RMC1: variants seen among roughly 807,000 people sequenced by gnomAD.
RMC1 encodes regulator of MON1-CCZ1.
RMC1 carries 44 observed loss-of-function variants against 95.5 expected under a neutral mutation model. That is an observed-to-expected ratio of 0.46 (90% CI 0.36 to 0.59). The LOEUF is 0.59. RMC1 is among the 20% of genes least tolerant of loss of function. The pLI, the probability that RMC1 is intolerant of heterozygous loss-of-function variation, is 0.00. For synonymous variants in RMC1, 320 were observed against 303.6 expected, an observed-to-expected ratio of 1.05 and a Z score of -0.56; for missense variants, 705 against 819.6, an observed-to-expected ratio of 0.86 and a Z score of 1.71.
At chr18:23,531,579 C>CAT (rs2058509540) in intron 19 of RMC1, 46 bp from the exon 20 acceptor site, 1 of 1,595,490 alleles carries the variant, frequency 6.3e-7, no homozygotes, top group East Asian at 2.2e-5. Flanking sequence ...CTTTGTCCCT[C>CAT]ATTTCATGCC....
chr18:23,523,900 G>T lies in RMC1; in HGVS notation c.962-230G>T, dbSNP rs111822004. 3.9e-5 allele frequency among the ~76,000 whole-genome samples: 6 copies of T among 152,254 alleles called. 1 individual carries two copies. Among genetic ancestry groups the T allele is most frequent in the African/African-American group, 1.4e-4 (6 of 41,530 alleles). On this transcript the variant is annotated intron_variant, in intron 10 of 19. Transcript: ENST00000269221. Reference sequence around the variant, plus strand: ...AATAACCCAAACCACAGTGATTGAAGCCTTGACATGCTTTCTTTTTCTTGG... The same window carrying T: ...AATAACCCAAACCACAGTGATTGAATCCTTGACATGCTTTCTTTTTCTTGG...
chr18:23,529,565 GAT>G (rs2058421743), intron 15 of RMC1, 68 bp from the exon 16 acceptor site: 1 of 1,404,154 alleles, frequency 7.1e-7, no homozygotes, highest in Non-Finnish European at 1.0e-6. Flanking sequence ...GTGGGGGTTG[GAT>G]AGAGAGTTAT....
intron 2 of RMC1, chr18:23,506,623 A>G (rs745859655): frequency 3.9e-6 from 1 of 256,804 alleles, no homozygotes; most frequent in Non-Finnish European, 7.6e-6. Context: ...ACAAGTAGAT[A>G]GTTCTTTCCA....
chr18:23,507,156 T>TA lies in RMC1; in HGVS notation c.264+103dup, dbSNP rs1404580118. On this transcript the variant is annotated intron_variant, in intron 3 of 19. Transcript: ENST00000269221. ...GTGTTAAAGGAAACTTTTATTATCT[T>TA]ACTGTTGTGAAAGGTATAGTTATGT... The TA allele has an allele frequency of 3.8e-6, 3 of 787,884 alleles. No homozygotes were observed. The African/African-American group carries it at 5.3e-5, about 14-fold the overall frequency. 48.8% of individuals were successfully genotyped at this position (787,884 alleles called of 1,614,324 possible). A position where few individuals can be genotyped will look rare whatever the true frequency, so the allele number is the denominator to read the frequency against.
intron 13 of RMC1, 110 bp downstream of exon 13, chr18:23,526,875 C>A: frequency 7.1e-7 from 1 of 1,415,646 alleles, no homozygotes; most frequent in Non-Finnish European, 9.5e-7. Context: ...TGACCCACAG[C>A]CTCATTCTTT....
chr18:23,514,541 G>C (rs1479788225), intron 5 of RMC1, among the ~76,000 whole-genome samples: 1 of 151,050 alleles, frequency 6.6e-6, no homozygotes, highest in Non-Finnish European at 1.5e-5. Context: ...TGGGCAACAA[G>C]AGTGAAACTC....
chr18:23,508,038 C>T lies in RMC1; in HGVS notation c.318C>T (p.Cys106=). ...CCCAGCTGGAATACACACAGGAGTGCAAGGTATGACCCCAGGCCCTTTCTC... is the reference window on the plus strand; with the variant it reads ...CCCAGCTGGAATACACACAGGAGTGTAAGGTATGACCCCAGGCCCTTTCTC... ...DNSQLEYTQE[C]KTKNANILGF... Residue 106 remains cysteine, a synonymous_variant, in exon 4 of 20, where the codon TGC becomes TGT. Transcript: ENST00000269221. 6.2e-7 allele frequency: 1 copy of T among 1,609,984 alleles called. No homozygotes were observed. The highest frequency in any genetic ancestry group is 8.5e-7 in the Non-Finnish European group (1 of 1,178,452).
chr18:23,505,685 G>GTGGT (rs2057695965), intron 2 of RMC1, among the ~76,000 whole-genome samples: 2 of 152,228 alleles, frequency 1.3e-5, no homozygotes, highest in Non-Finnish European at 2.9e-5. Context: ...CGAGCCATGT[G>GTGGT]TGGTGAAGAG....
At chr18:23,512,819 A>G (rs2057898663) in intron 5 of RMC1, among the ~76,000 whole-genome samples, 1 of 152,206 alleles carries the variant, frequency 6.6e-6, no homozygotes, top group South Asian at 2.1e-4. Flanking sequence ...AGTGTTAAGT[A>G]TATTCATTCA....
chr18:23,509,207 C>T lies in RMC1; in HGVS notation c.336C>T (p.Asn112=). The T allele has an allele frequency of 1.4e-6, 2 of 1,406,146 alleles. No individual in the cohort carries two copies. The highest frequency in any genetic ancestry group is 1.5e-5 in the African/African-American group (1 of 67,536). 87.1% of individuals were successfully genotyped at this position (1,406,146 alleles called of 1,614,324 possible). A position where few individuals can be genotyped will look rare whatever the true frequency, so the allele number is the denominator to read the frequency against. ...ATTTTTCTTAGACTAAGAATGCCAA[C>T]ATTCTAGGATTCTGCTGGACTAGTT... is the stretch of plus-strand genomic sequence containing the variant. ...YTQECKTKNA[N]ILGFCWTSST... Residue 112 remains asparagine (N), a synonymous_variant, in exon 5 of 20, where the codon AAC becomes AAT. Transcript: ENST00000269221.
At position 23,529,292 on chromosome 18, in the gene RMC1, AAAG is replaced by A. The variant is rs1448814922; in HGVS notation, c.1414_1416del (p.Lys472del). ...CCCATGTCCTGTCAGCCTTTGTGGA[AAAG>A]AAGGTGGGCTGCAGCTTTCCGCCTC... On this transcript the variant is annotated inframe_deletion, in exon 15 of 20. Coordinates refer to ENST00000269221, the MANE Select transcript of RMC1 (RefSeq NM_013326.5). 1.9e-6 allele frequency: 3 copies of A among 1,610,124 alleles called. No homozygotes were observed. The highest frequency in any genetic ancestry group is 2.2e-5 in the East Asian group (1 of 44,874).
At chr18:23,529,925 A>G in intron 16 of RMC1, 103 bp from the exon 17 acceptor site, 3 of 1,181,274 alleles carry the variant, frequency 2.5e-6, no homozygotes, top group African/African-American at 1.5e-5. Flanking sequence ...GTAATGACAG[A>G]CTTTTACTGT....
intron 5 of RMC1, among the ~76,000 whole-genome samples, chr18:23,510,644 C>T (rs2057828986): frequency 6.6e-6 from 1 of 150,892 alleles, no homozygotes; most frequent in Non-Finnish European, 1.5e-5. Context: ...GAGACTCCGT[C>T]TCAAAAAAAA....
chr18:23,528,000 A>T (rs1366259671), intron 14 of RMC1, 99 bp downstream of exon 14: 1 of 1,013,834 alleles, frequency 9.9e-7, no homozygotes, highest in African/African-American at 1.7e-5. Flanking sequence ...ATATATTAGA[A>T]TAAGGTCGCT....
At chr18:23,519,514 T>C (rs1232953178) in intron 9 of RMC1, among the ~76,000 whole-genome samples, 1 of 149,396 alleles carries the variant, frequency 6.7e-6, no homozygotes, top group East Asian at 2.1e-4. Flanking sequence ...CAAGATCCTG[T>C]CTCCGAAAAA....
chr18:23,523,332 A>C (rs2058194329), intron 10 of RMC1, among the ~76,000 whole-genome samples: 1 of 152,058 alleles, frequency 6.6e-6, no homozygotes, highest in Admixed American at 6.6e-5. Flanking sequence ...GGTCCCTGTC[A>C]TGTGAGGTTT....
chr18:23,506,564 CA>C (rs2057722339), intron 2 of RMC1: 1 of 189,664 alleles, frequency 5.3e-6, no homozygotes, highest in African/African-American at 2.4e-5. Flanking sequence ...GGTCATGAGA[CA>C]CTGTAGTGGA....
At chr18:23,527,302 C>T (rs887466000) in intron 13 of RMC1, among the ~76,000 whole-genome samples, 5 of 151,336 alleles carry the variant, frequency 3.3e-5, no homozygotes, top group South Asian at 2.1e-4. Context: ...CAGAGGCTGC[C>T]GAGGGAGGAT....
intron 10 of RMC1, among the ~76,000 whole-genome samples, chr18:23,523,569 A>AAG (rs1386754000): frequency 7.0e-6 from 1 of 143,208 alleles, no homozygotes; most frequent in Non-Finnish European, 1.6e-5. Flanking sequence ...AAAAAAAAAA[A>AAG]GAAAAAAAGT....
Sources: gnomAD v4.1 joint callset for allele counts (sites outside exome capture counted in the v4.1 genomes callset) on GRCh38, gnomAD v4.1.1 for gene constraint, MANE v1.5 for transcripts, NCBI Gene and HGNC (gene_info 2026-07-23, HGNC 2026-07-21) for gene names.